CYTH3: variants seen among roughly 807,000 people sequenced by gnomAD.
The protein encoded by CYTH3 is cytohesin-3.
A neutral mutation model predicts 55.1 loss-of-function variants in CYTH3; 23 were observed. The observed-to-expected ratio is 0.42, with a 90% CI of 0.30 to 0.59. The LOEUF is 0.59. CYTH3 is among the 20% of genes least tolerant of loss of function. CYTH3 has a pLI of 0.20. For missense variants in CYTH3, 413 were observed against 524.8 expected, an observed-to-expected ratio of 0.79 and a Z score of 2.08; for synonymous variants, 249 against 194.9, an observed-to-expected ratio of 1.28 and a Z score of -2.31.
intron 1 of CYTH3, among the ~76,000 whole-genome samples, chr7:6,250,102 G>C (rs1779923959): frequency 6.6e-6 from 1 of 152,004 alleles, no homozygotes; most frequent in Admixed American, 6.6e-5. Flanking sequence ...TCCACCACTG[G>C]GATCACACTG....
intron 2 of CYTH3, 57 bp from the exon 3 acceptor site, chr7:6,187,778 G>T: frequency 2.1e-6 from 3 of 1,426,648 alleles, no homozygotes; most frequent in Non-Finnish European, 2.0e-6. Flanking sequence ...CCTCCCCTGA[G>T]ACTCAGAAAT....
intron 2 of CYTH3, among the ~76,000 whole-genome samples, chr7:6,189,671 T>G (rs1783749104): frequency 6.6e-6 from 1 of 151,976 alleles, no homozygotes; most frequent in African/African-American, 2.4e-5. Context: ...ACCCAATACA[T>G]GCCCACATAT....
chr7:6,198,920 C>T (rs913103042), intron 1 of CYTH3, among the ~76,000 whole-genome samples: 88 of 152,138 alleles, frequency 5.8e-4, no homozygotes, highest in Admixed American at 4.6e-3. Flanking sequence ...ACTCAGTTCT[C>T]GTCTGATGGA....
chr7:6,203,722 CCTT>C (rs1229231717), intron 1 of CYTH3, among the ~76,000 whole-genome samples: 1 of 151,724 alleles, frequency 6.6e-6, no homozygotes, highest in Non-Finnish European at 1.5e-5. Context: ...TCATATTCCA[CCTT>C]TTTTTTTTTT....
chr7:6,184,133 T>C (rs931029606), intron 4 of CYTH3, among the ~76,000 whole-genome samples: 1 of 134,552 alleles, frequency 7.4e-6, no homozygotes, highest in Admixed American at 8.3e-5. Context: ...GAATCTCGGC[T>C]TACTGCAAGC....
At chr7:6,199,359 T>A (rs1032913325) in intron 1 of CYTH3, among the ~76,000 whole-genome samples, 2 of 151,802 alleles carry the variant, frequency 1.3e-5, no homozygotes, top group South Asian at 2.1e-4. Context: ...ATGATGGGGG[T>A]AGAAAAACAG....
In CYTH3 at chr7:6,169,573, C is replaced by T. The variant is rs922846210; in HGVS notation, c.823+962G>A. 5.3e-5 allele frequency among the ~76,000 whole-genome samples: 8 copies of T among 152,156 alleles called. No individual in the cohort carries two copies. Among genetic ancestry groups the T allele is most frequent in the Admixed American group, 2.6e-4 (4 of 15,266 alleles). ...CATGTCTCACGTGCTGCCCAGCGGC[C>T]GCCTGCTCTCAGAAAGGCTTGCGTG... On this transcript the variant is annotated intron_variant, in intron 9 of 12. Transcript: ENST00000350796. The surrounding 1 kb of genome is among the most constrained non-coding windows in gnomAD (Gnocchi z 4.1).
intron 1 of CYTH3, among the ~76,000 whole-genome samples, chr7:6,252,507 C>T (rs765232799): frequency 3.9e-5 from 6 of 152,172 alleles, no homozygotes; most frequent in Admixed American, 6.5e-5. Context: ...GACCCTGTTG[C>T]TATTTCTTGA....
chr7:6,180,587 T>C, intron 4 of CYTH3, among the ~76,000 whole-genome samples: 1 of 152,222 alleles, frequency 6.6e-6, no homozygotes. Flanking sequence ...TCTGGCCTCC[T>C]GAACTGAGCG....
At position 6,170,696 on chromosome 7, in the gene CYTH3, C is replaced by G; in HGVS notation, c.712-50G>C. 1 of 1,589,846 alleles carries G rather than the reference C, an allele frequency of 6.3e-7. No homozygotes were observed. Among genetic ancestry groups the G allele is most frequent in the Non-Finnish European group, 8.6e-7 (1 of 1,166,572 alleles). ...AGTTCAGAGACTCGGAGGAAAATGG[C>G]TGGCCGGGCAGAAAGCTCAGCGGGA... On this transcript the variant is annotated intron_variant, in intron 8 of 12. Transcript: ENST00000350796. The surrounding 1 kb of genome is among the most constrained non-coding windows in gnomAD (Gnocchi z 7.8).
intron 1 of CYTH3, among the ~76,000 whole-genome samples, chr7:6,241,826 A>G (rs188834608): frequency 2.0e-4 from 30 of 152,328 alleles, no homozygotes; most frequent in Admixed American, 1.8e-3. Context: ...ATAAGGTGCG[A>G]AAAGGCTCTG....
At chr7:6,204,183 C>T (rs1784131781) in intron 1 of CYTH3, among the ~76,000 whole-genome samples, 1 of 152,152 alleles carries the variant, frequency 6.6e-6, no homozygotes, top group Non-Finnish European at 1.5e-5. Flanking sequence ...AAGCTAACGA[C>T]GCATCTTACA....
chr7:6,247,726 C>G (rs1256266231), intron 1 of CYTH3, among the ~76,000 whole-genome samples: 10 of 152,244 alleles, frequency 6.6e-5, no homozygotes, highest in African/African-American at 2.4e-4. Context: ...TCACTGCAGT[C>G]TTGACAACTT....
rs769894960 is a variant in CYTH3, at chr7:6,216,270, G to C, written c.35-25739C>G. ...TAAGATTACAAATTGGAGACAGTGA[G>C]GGACACAGAGGGAGGTAAGGGTTCT... is the stretch of plus-strand genomic sequence containing the variant. On this transcript the variant is annotated intron_variant, in intron 1 of 12. Coordinates refer to ENST00000350796, the MANE Select transcript of CYTH3 (RefSeq NM_004227.4). 8.3e-4 allele frequency among the ~76,000 whole-genome samples: 127 copies of C among 152,262 alleles called. 1 individual carries two copies. Among genetic ancestry groups the C allele is most frequent in the Non-Finnish European group, 1.3e-3 (88 of 68,026 alleles).
chr7:6,220,894 G>T (rs1784535497), intron 1 of CYTH3, among the ~76,000 whole-genome samples: 1 of 152,028 alleles, frequency 6.6e-6, no homozygotes, highest in African/African-American at 2.4e-5. Flanking sequence ...CAATTGGGAG[G>T]CAGTGGCAGG....
rs374016279 is a variant in CYTH3 at position 6,174,032 on chromosome 7, G to C, written c.369-299C>G. On this transcript the variant is annotated intron_variant, in intron 5 of 12. Transcript: ENST00000350796. Reference sequence around the variant, plus strand: ...TTATTTCTATTGAGTAAATACCTAAGAGTGGAATTACTGGGTTCCATGTTA... The same window carrying C: ...TTATTTCTATTGAGTAAATACCTAACAGTGGAATTACTGGGTTCCATGTTA... Among the ~76,000 whole-genome samples the C allele has an allele frequency of 1.3e-4, 20 of 151,620 alleles. No homozygotes were observed. The East Asian group carries it at 1.4e-3, about 10-fold the overall frequency.
In CYTH3 at chr7:6,171,434, G is replaced by A. The variant is rs1055090877; in HGVS notation, c.450-120C>T. 2 of 818,838 alleles carry A rather than the reference G, an allele frequency of 2.4e-6. No homozygotes were observed. 50.7% of individuals were successfully genotyped at this position (818,838 alleles called of 1,614,324 possible). On this transcript the variant is annotated intron_variant, in intron 6 of 12. Coordinates refer to ENST00000350796, the MANE Select transcript of CYTH3 (RefSeq NM_004227.4). This position sits in a 1 kb window ranked among gnomAD's most constrained non-coding sequence, Gnocchi z 6.7. Reference sequence around the variant, plus strand: ...CTCCCGAGCCTGGGGTACAGCTCTGGCAGGGGCTTGGGGGCGCAGAGACAG... The same window carrying A: ...CTCCCGAGCCTGGGGTACAGCTCTGACAGGGGCTTGGGGGCGCAGAGACAG...
intron 1 of CYTH3, among the ~76,000 whole-genome samples, chr7:6,222,616 G>A (rs193052965): frequency 1.4e-4 from 22 of 151,864 alleles, no homozygotes; most frequent in Admixed American, 4.6e-4. Flanking sequence ...GCGTGGTGGC[G>A]GGCACCTGTA....
intron 6 of CYTH3, chr7:6,173,216 G>C: frequency 3.7e-6 from 1 of 269,346 alleles, no homozygotes; most frequent in Non-Finnish European, 6.1e-6. Flanking sequence ...GGCATCCAGG[G>C]AGTGTGTCCC....
Sources: allele counts gnomAD v4.1 joint callset (sites outside exome capture counted in the v4.1 genomes callset), GRCh38; gene constraint gnomAD v4.1.1; non-coding constraint Gnocchi (gnomAD v3.1); transcripts MANE v1.5; gene names NCBI Gene and HGNC (gene_info 2026-07-23, HGNC 2026-07-21).